Variants in NFATC2 observed in about 807,000 individuals in gnomAD.
NFATC2 encodes nuclear factor of activated T cells 2.
In NFATC2, 22 loss-of-function variants were observed where a neutral mutation model predicts 87.3. The ratio of observed to expected loss-of-function variants is 0.25; its 90% CI spans 0.18 to 0.36. The LOEUF is 0.36. Ranked by LOEUF, NFATC2 falls within the 10% of genes least tolerant of loss-of-function variation. The pLI is 1.00. For synonymous variants in NFATC2, 565 were observed against 542.2 expected (o/e 1.04, Z -0.58); for missense variants, 1,149 against 1,259.1 (o/e 0.91, Z 1.32).
At chr20:51,522,143 A>G (rs1478439132) in intron 2 of NFATC2, among the ~76,000 whole-genome samples, 2 of 152,214 alleles carry the variant, frequency 1.3e-5, no homozygotes, top group Non-Finnish European at 2.9e-5. Context: ...ATCCCAGGAT[A>G]TCACTGCACA....
chr20:51,419,580 G>A (rs1013909329), intron 9 of NFATC2, among the ~76,000 whole-genome samples: 1 of 152,306 alleles, frequency 6.6e-6, no homozygotes, highest in South Asian at 2.1e-4. Flanking sequence ...GCTGTTACAA[G>A]AGGAAGAAAT....
At chr20:51,423,168 T>C (rs1981206938) in intron 9 of NFATC2, among the ~76,000 whole-genome samples, 1 of 151,742 alleles carries the variant, frequency 6.6e-6, no homozygotes, top group African/African-American at 2.4e-5. Flanking sequence ...CATGTGCCTA[T>C]AGTCCCAGCT....
chr20:51,477,533 G>GTGTGTATATA (rs1203933981), intron 3 of NFATC2, among the ~76,000 whole-genome samples: 2 of 68,548 alleles, frequency 2.9e-5, no homozygotes, highest in Admixed American at 1.9e-4. Context: ...GTGTGTGTGT[G>GTGTGTATATA]TCTATATATA....
At chr20:51,531,414 G>A (rs1033134641) in intron 1 of NFATC2, among the ~76,000 whole-genome samples, 3 of 152,158 alleles carry the variant, frequency 2.0e-5, no homozygotes, top group African/African-American at 7.2e-5. Flanking sequence ...AAGTTCCTGG[G>A]TGCTTACCCA....
chr20:51,400,243 C>A (rs913620289), intron 9 of NFATC2, among the ~76,000 whole-genome samples: 1 of 152,216 alleles, frequency 6.6e-6, no homozygotes, highest in African/African-American at 2.4e-5. Context: ...CTCTAAAGTT[C>A]TGTAATGACC....
intron 10 of NFATC2, among the ~76,000 whole-genome samples, chr20:51,396,399 T>C (rs189625361): frequency 6.6e-6 from 1 of 152,110 alleles, no homozygotes; most frequent in African/African-American, 2.4e-5. Flanking sequence ...TTTAAAGGAC[T>C]TTCAAGGGTG....
At chr20:51,558,364 G>C (rs1304691517) in intron 1 of NFATC2, among the ~76,000 whole-genome samples, 1 of 151,928 alleles carries the variant, frequency 6.6e-6, no homozygotes, top group African/African-American at 2.4e-5. Context: ...ATAAAAACTT[G>C]ACCGGCTTCT....
chr20:51,428,522 G>A (rs1982202129), intron 9 of NFATC2, among the ~76,000 whole-genome samples: 1 of 152,242 alleles, frequency 6.6e-6, no homozygotes, highest in Non-Finnish European at 1.5e-5. Flanking sequence ...GCGTCTGTGT[G>A]CAGGAATGCA....
At chr20:51,440,065 C>T (rs879467180) in intron 6 of NFATC2, among the ~76,000 whole-genome samples, 6 of 151,980 alleles carry the variant, frequency 3.9e-5, no homozygotes, top group Non-Finnish European at 8.8e-5. Context: ...GGTAAAACCC[C>T]GTCTCTACTA....
At chr20:51,448,025 C>A in intron 6 of NFATC2, among the ~76,000 whole-genome samples, 1 of 152,184 alleles carries the variant, frequency 6.6e-6, no homozygotes, top group East Asian at 1.9e-4. Flanking sequence ...GAGATGCATT[C>A]ATTCAACAAC....
chr20:51,547,412 C>T (rs2076898081), upstream of NFATC2, among the ~76,000 whole-genome samples: 1 of 152,174 alleles, frequency 6.6e-6, no homozygotes, highest in African/African-American at 2.4e-5. Flanking sequence ...GAAGCACTGA[C>T]TCCCGAAACG....
chr20:51,522,364 G>A (rs1344428694), intron 2 of NFATC2, among the ~76,000 whole-genome samples: 1 of 152,168 alleles, frequency 6.6e-6, no homozygotes, highest in Non-Finnish European at 1.5e-5. Context: ...TGCCCAATGA[G>A]AAAGAGGGTG....
rs141782359 is a variant in NFATC2 at position 51,442,110 on chromosome 20, A to G, written c.1850-6349T>C. On this transcript the variant is annotated intron_variant, in intron 6 of 10. Transcript: ENST00000371564. ...GCCCTTAGGTAGATTTGTGTTTTCT[A>G]ACCTGAAAACATGACCCTGTTATAT... Among the ~76,000 whole-genome samples, 3 of 152,298 alleles carry G rather than the reference A, an allele frequency of 2.0e-5. No homozygotes were observed. The South Asian group carries it at 6.2e-4, about 32-fold the overall frequency.
At chr20:51,540,671 T>TTTTTTTTTTTTTTTTTTTTTTA (rs2076802617) in intron 1 of NFATC2, among the ~76,000 whole-genome samples, 1 of 148,684 alleles carries the variant, frequency 6.7e-6, no homozygotes, top group African/African-American at 2.5e-5. Flanking sequence ...TTTTTTTTTT[T>TTTTTTTTTTTTTTTTTTTTTTA]GAGAAAACAG....
chr20:51,418,826 C>A (rs1980438912), intron 9 of NFATC2, among the ~76,000 whole-genome samples: 1 of 152,052 alleles, frequency 6.6e-6, no homozygotes, highest in Non-Finnish European at 1.5e-5. Context: ...CCACATCCAG[C>A]TAATTTTTGT....
chr20:51,561,476 A>AAGCAAGCAAGCAAGC (rs2077028527), intron 1 of NFATC2, among the ~76,000 whole-genome samples: 1 of 132,030 alleles, frequency 7.6e-6, no homozygotes, highest in Non-Finnish European at 1.6e-5. Flanking sequence ...AGAAAGAAAG[A>AAGCAAGCAAGCAAGC]AAGAAAGAAA....
At chr20:51,544,244 C>T (rs536052639), upstream of NFATC2, among the ~76,000 whole-genome samples, 1 of 152,144 alleles carries the variant, frequency 6.6e-6, no homozygotes, top group Admixed American at 6.5e-5. Flanking sequence ...GCCTCGGCCT[C>T]CCCAAGTGCT....
intron 5 of NFATC2, among the ~76,000 whole-genome samples, chr20:51,465,270 C>T (rs565027658): frequency 3.3e-5 from 5 of 152,124 alleles, no homozygotes; most frequent in Non-Finnish European, 7.4e-5. Flanking sequence ...GTCCCAGCTA[C>T]TCAGGAGGTT....
rs1986532454 is a variant in NFATC2 at position 51,392,887 on chromosome 20, CTGAA to C, written c.*45-1440_*45-1437del. On this transcript the variant is annotated intron_variant, in intron 10 of 10. Coordinates refer to ENST00000371564, the MANE Select transcript of NFATC2 (RefSeq NM_012340.5). ...TAACAGAGTCGGGGAATGCAAAGAG[CTGAA>C]TGAACCGGGTTTGATTCTCAGCTCG... 2.0e-5 allele frequency among the ~76,000 whole-genome samples: 3 copies of C among 152,324 alleles called. No homozygotes were observed. The South Asian group carries it at 6.2e-4, about 32-fold the overall frequency.
Sources: allele counts gnomAD v4.1 joint callset (sites outside exome capture counted in the v4.1 genomes callset), GRCh38; gene constraint gnomAD v4.1.1; transcripts MANE v1.5; gene names NCBI Gene and HGNC (gene_info 2026-07-23, HGNC 2026-07-21).